Variants in HDAC9 observed in about 807,000 individuals in gnomAD.
The protein encoded by HDAC9 is MEF-2 interacting transcription repressor (MITR) protein.
Under a neutral mutation model 139.4 loss-of-function variants are expected in HDAC9, and 41 were observed. The observed-to-expected ratio is 0.29, with a 90% CI of 0.23 to 0.38. The LOEUF is 0.38. Among genes scored for constraint, HDAC9 ranks in the 10% least tolerant of loss-of-function variants. The pLI, the probability that HDAC9 is intolerant of heterozygous loss-of-function variation, is 1.00. For synonymous variants in HDAC9, 517 were observed against 476.2 expected, an observed-to-expected ratio of 1.09 and a Z score of -1.12; for missense variants, 1,147 against 1,297.0, an observed-to-expected ratio of 0.88 and a Z score of 1.78.
chr7:18,937,979 A>C (rs574286416), intron 23 of HDAC9, among the ~76,000 whole-genome samples: 2 of 152,348 alleles, frequency 1.3e-5, no homozygotes, highest in African/African-American at 4.8e-5. Context: ...GTTTCAGAAC[A>C]GATTCAACTG....
intron 1 of HDAC9, among the ~76,000 whole-genome samples, chr7:18,100,953 C>T (rs537024997): frequency 1.3e-5 from 2 of 152,188 alleles, no homozygotes; most frequent in East Asian, 1.9e-4. Context: ...GAGTACTCTA[C>T]CCAACACCCC....
intron 17 of HDAC9, among the ~76,000 whole-genome samples, chr7:18,825,186 A>T (rs1349885902): frequency 6.6e-6 from 1 of 152,232 alleles, no homozygotes; most frequent in South Asian, 2.1e-4. Context: ...TGGAAATAGA[A>T]ATCTGTGAAG....
rs1250415872 is a variant in HDAC9, at chr7:19,001,645, T to C, written c.*5583T>C. On this transcript the variant is annotated 3_prime_UTR_variant, in exon 26 of 26. Transcript: ENST00000686413. ...GGTTGTTTTTAGATAAAACTCCCGA[T>C]TTGTTCTTCCTACACTTTAATAGTC... 1 of 152,058 alleles carries C rather than the reference T, an allele frequency of 6.6e-6. No individual in the cohort carries two copies. Among genetic ancestry groups the C allele is most frequent in the Non-Finnish European group, 1.5e-5 (1 of 67,954 alleles). The allele number at this position is 152,058 out of a possible 1,614,324, so 9.4% of individuals were successfully genotyped here. A position where few individuals can be genotyped will look rare whatever the true frequency, so the allele number is the denominator to read the frequency against.
chr7:18,153,801 C>T (rs1156318176), intron 1 of HDAC9, among the ~76,000 whole-genome samples: 2 of 152,152 alleles, frequency 1.3e-5, no homozygotes, highest in Non-Finnish European at 2.9e-5. Context: ...ATGTACCTCA[C>T]ATCTTTGGGC....
chr7:18,275,747 A>G (rs992141426), intron 2 of HDAC9, among the ~76,000 whole-genome samples: 11 of 152,104 alleles, frequency 7.2e-5, no homozygotes, highest in Non-Finnish European at 1.6e-4. Flanking sequence ...GTGTTTTCTC[A>G]GAAGTCACCA....
At chr7:18,435,163 C>G (rs896982361) in intron 1 of HDAC9, among the ~76,000 whole-genome samples, 24 of 150,278 alleles carry the variant, frequency 1.6e-4, no homozygotes, top group African/African-American at 5.9e-4. Flanking sequence ...AACAGAAAAC[C>G]AAGTACTGCA....
At chr7:18,311,903 G>A (rs563232597) in intron 1 of HDAC9, among the ~76,000 whole-genome samples, 1 of 152,308 alleles carries the variant, frequency 6.6e-6, no homozygotes, top group Non-Finnish European at 1.5e-5. Flanking sequence ...TAAAGAGGCT[G>A]ATGGAGATTA....
chr7:18,808,457 AT>A (rs760622356), intron 17 of HDAC9, among the ~76,000 whole-genome samples: 2 of 152,198 alleles, frequency 1.3e-5, no homozygotes, highest in Non-Finnish European at 2.9e-5. Flanking sequence ...GTTAGAACTA[AT>A]AAATTTGGGA....
chr7:18,829,016 G>A, intron 17 of HDAC9, 145 bp from the exon 18 acceptor site: 1 of 670,626 alleles, frequency 1.5e-6, no homozygotes, highest in South Asian at 1.7e-5. Context: ...CTGGCAATGG[G>A]GGAACAAAAA....
At chr7:18,640,898 A>C (rs1256285328) in intron 8 of HDAC9, among the ~76,000 whole-genome samples, 3 of 152,054 alleles carry the variant, frequency 2.0e-5, no homozygotes, top group Admixed American at 1.3e-4. Flanking sequence ...CCTACAGCTT[A>C]ATGAGATAAT....
chr7:18,497,653 T>C (rs1183158478), intron 2 of HDAC9, among the ~76,000 whole-genome samples: 2 of 152,164 alleles, frequency 1.3e-5, no homozygotes, highest in Non-Finnish European at 2.9e-5. Context: ...TGACAAGGGC[T>C]CCGGGAGGGT....
intron 1 of HDAC9, among the ~76,000 whole-genome samples, chr7:18,465,888 A>C (rs536030644): frequency 1.9e-4 from 29 of 152,290 alleles, no homozygotes; most frequent in African/African-American, 6.7e-4. Context: ...ATGTTATATT[A>C]ATTTTCTGTT....
Position 18,565,784 on chromosome 7 carries a change from T to C in HDAC9, c.23-19497T>C, listed in dbSNP as rs565526605. Among the ~76,000 whole-genome samples the C allele has an allele frequency of 2.0e-5, 3 of 152,292 alleles. No homozygotes were observed. The East Asian group carries it at 5.8e-4, about 29-fold the overall frequency. ...AAGCCTTTGCAAGTAATGAAATCTT[T>C]TTATGTTAACCAAAAAAAGAAAGAA... On this transcript the variant is annotated intron_variant, in intron 2 of 25. Coordinates refer to ENST00000686413, the MANE Select transcript of HDAC9 (RefSeq NM_178425.4).
At chr7:18,887,891 C>T (rs1395103524) in intron 22 of HDAC9, among the ~76,000 whole-genome samples, 2 of 152,122 alleles carry the variant, frequency 1.3e-5, no homozygotes, top group African/African-American at 4.8e-5. Context: ...AGATTTGTGG[C>T]CACAGAGAAG....
intron 11 of HDAC9, among the ~76,000 whole-genome samples, chr7:18,662,914 G>C (rs1793663332): frequency 6.6e-6 from 1 of 152,036 alleles, no homozygotes; most frequent in African/African-American, 2.4e-5. Flanking sequence ...CAGCTGCTTG[G>C]GTTTGGCAGA....
At chr7:18,876,944 CA>C (rs1315188447) in intron 22 of HDAC9, among the ~76,000 whole-genome samples, 2 of 152,062 alleles carry the variant, frequency 1.3e-5, no homozygotes, top group African/African-American at 4.8e-5. Flanking sequence ...TCAGGTGATG[CA>C]CCTGCCTTGG....
intron 2 of HDAC9, among the ~76,000 whole-genome samples, chr7:18,215,518 G>A (rs1035702748): frequency 6.6e-6 from 1 of 152,164 alleles, no homozygotes; most frequent in Non-Finnish European, 1.5e-5. Context: ...CTTTTACCAT[G>A]TGAAGGATTG....
chr7:18,716,337 A>G (rs1784698229), intron 12 of HDAC9, among the ~76,000 whole-genome samples: 1 of 152,246 alleles, frequency 6.6e-6, no homozygotes, highest in African/African-American at 2.4e-5. Context: ...AAGCAAATGA[A>G]GGAAGAAAAA....
At chr7:18,833,881 G>A (rs1204673772) in intron 19 of HDAC9, among the ~76,000 whole-genome samples, 1 of 152,172 alleles carries the variant, frequency 6.6e-6, no homozygotes, top group Non-Finnish European at 1.5e-5. Context: ...GGAGTACTGG[G>A]CTGGAGATTG....
Sources: allele counts gnomAD v4.1 joint callset (sites outside exome capture counted in the v4.1 genomes callset), GRCh38; gene constraint gnomAD v4.1.1; transcripts MANE v1.5; gene names NCBI Gene and HGNC (gene_info 2026-07-23, HGNC 2026-07-21).